Variants in NTM observed in about 807,000 individuals in gnomAD.
NTM encodes the protein neurotrimin, also known as IgLON family member 2.
NTM carries 13 observed loss-of-function variants against 42.1 expected under a neutral mutation model. The ratio of observed to expected loss-of-function variants is 0.31; its 90% CI spans 0.20 to 0.49. The LOEUF (loss-of-function observed/expected upper bound fraction) is 0.49. Ranked by LOEUF, NTM falls within the 20% of genes least tolerant of loss-of-function variation. The probability of loss-of-function intolerance (pLI) is 0.99; values close to 1 mark genes in which losing one functional copy is unlikely to be tolerated. For synonymous variants in NTM, 187 were observed against 179.2 expected (o/e 1.04, Z -0.35); for missense variants, 373 against 452.8 (o/e 0.82, Z 1.60).
rs1394571672 is a variant in NTM, at chr11:131,774,612, T to G, written c.83-136952T>G. Among the ~76,000 whole-genome samples the G allele has an allele frequency of 2.0e-5, 3 of 152,282 alleles. No individual in the cohort carries two copies. In the South Asian group the frequency reaches 6.2e-4, roughly 32 times the overall value. Reference sequence around the variant, plus strand: ...TGGCTCCAAATATAATTTTTCTCCTTGTTTTAGGCAATTGTGAGGTCACAA... The same window carrying G: ...TGGCTCCAAATATAATTTTTCTCCTGGTTTTAGGCAATTGTGAGGTCACAA... On this transcript the variant is annotated intron_variant, in intron 1 of 8. Coordinates refer to ENST00000683400, the MANE Select transcript of NTM (RefSeq NM_001352005.2).
At chr11:132,169,320 C>CTTTTTTTTTTATTTTTTTTT (rs2075780429) in intron 3 of NTM, among the ~76,000 whole-genome samples, 1 of 32,358 alleles carries the variant, frequency 3.1e-5, no homozygotes, top group Non-Finnish European at 5.4e-5. Flanking sequence ...AATTTTTTTA[C>CTTTTTTTTTTATTTTTTTTT]TTTTTTTTTT....
At chr11:132,011,896 A>G (rs1024687212) in intron 2 of NTM, among the ~76,000 whole-genome samples, 11 of 152,092 alleles carry the variant, frequency 7.2e-5, no homozygotes, top group Admixed American at 2.6e-4. Context: ...TTTATTCCCA[A>G]TCCCTGTTCT....
intron 2 of NTM, among the ~76,000 whole-genome samples, chr11:131,997,867 G>A (rs1335273361): frequency 6.6e-6 from 1 of 152,062 alleles, no homozygotes; most frequent in Non-Finnish European, 1.5e-5. Context: ...ATAGTACTGG[G>A]GTTTTGGCAT....
chr11:132,325,414 A>T (rs1055026740), intron 7 of NTM, among the ~76,000 whole-genome samples: 4 of 152,258 alleles, frequency 2.6e-5, no homozygotes, highest in Non-Finnish European at 2.9e-5. Flanking sequence ...ACACATGAAT[A>T]AATGCTCACC....
chr11:131,944,398 C>A (rs998976788), intron 2 of NTM, among the ~76,000 whole-genome samples: 2 of 152,186 alleles, frequency 1.3e-5, no homozygotes, highest in African/African-American at 4.8e-5. Context: ...GGGGCTCAGG[C>A]AGGTCACTGC....
intron 1 of NTM, among the ~76,000 whole-genome samples, chr11:131,733,477 T>A (rs1022741950): frequency 1.2e-4 from 17 of 140,390 alleles, no homozygotes; most frequent in African/African-American, 3.7e-4. Flanking sequence ...CTTCCTTCCT[T>A]CCTTCCTTCC....
intron 2 of NTM, among the ~76,000 whole-genome samples, chr11:132,119,831 A>G (rs1177591248): frequency 6.6e-6 from 1 of 152,244 alleles, no homozygotes; most frequent in East Asian, 1.9e-4. Flanking sequence ...TAGGGTTCAC[A>G]CAGCAGAGCA....
chr11:131,941,749 A>G (rs1447398098), intron 2 of NTM, among the ~76,000 whole-genome samples: 1 of 152,222 alleles, frequency 6.6e-6, no homozygotes, highest in African/African-American at 2.4e-5. Flanking sequence ...TGGGTAACAG[A>G]TATTATTCAC....
At chr11:132,201,212 G>T (rs2081106605) in intron 3 of NTM, among the ~76,000 whole-genome samples, 1 of 152,196 alleles carries the variant, frequency 6.6e-6, no homozygotes. Context: ...CTCTACCCAT[G>T]AGTTTTCTAA....
chr11:131,608,130 A>G (rs2061150201), intron 1 of NTM, among the ~76,000 whole-genome samples: 1 of 152,024 alleles, frequency 6.6e-6, no homozygotes, highest in South Asian at 2.1e-4. Context: ...CCCACCTATG[A>G]GTGAGAACAT....
In NTM at chr11:131,763,709, CTT is replaced by C. The variant is rs557522093; in HGVS notation, c.83-147830_83-147829del. 6.9e-4 allele frequency among the ~76,000 whole-genome samples: 49 copies of C among 71,374 alleles called. 3 individuals carry two copies. The highest frequency in any genetic ancestry group is 1.9e-3 in the East Asian group (4 of 2,084). 46.8% of individuals were successfully genotyped at this position (71,374 alleles called of 152,430 possible). On this transcript the variant is annotated intron_variant, in intron 1 of 8. Transcript: ENST00000683400. ...CTTATCCACAGGCCCATCTCTCTCT[CTT>C]TTTTTTTTTTTTTTTTTTTTTTTTG... is the stretch of plus-strand genomic sequence containing the variant.
At chr11:131,872,537 C>T (rs956287267) in intron 1 of NTM, among the ~76,000 whole-genome samples, 1 of 152,162 alleles carries the variant, frequency 6.6e-6, no homozygotes, top group Non-Finnish European at 1.5e-5. Context: ...CATTTTCTGG[C>T]TCTCTGTCAA....
At chr11:132,064,693 A>G (rs1028175798) in intron 2 of NTM, among the ~76,000 whole-genome samples, 2 of 152,214 alleles carry the variant, frequency 1.3e-5, no homozygotes, top group African/African-American at 2.4e-5. Flanking sequence ...AGTAGCAGGC[A>G]GAGAAGACTA....
At chr11:132,049,855 G>A (rs2078604503) in intron 2 of NTM, among the ~76,000 whole-genome samples, 2 of 152,174 alleles carry the variant, frequency 1.3e-5, no homozygotes, top group Non-Finnish European at 2.9e-5. Flanking sequence ...TGATGGAGGA[G>A]GAGCCACTTT....
intron 1 of NTM, among the ~76,000 whole-genome samples, chr11:131,823,988 G>A (rs2093294277): frequency 6.6e-6 from 1 of 152,186 alleles, no homozygotes; most frequent in Non-Finnish European, 1.5e-5. Flanking sequence ...TTGCATTTAA[G>A]TGCTTTGTTT....
intron 1 of NTM, among the ~76,000 whole-genome samples, chr11:131,463,476 G>T (rs1333401763): frequency 6.6e-6 from 1 of 152,220 alleles, no homozygotes; most frequent in African/African-American, 2.4e-5. Flanking sequence ...CTGTGTGGCC[G>T]CTGGGGCCCC....
intron 1 of NTM, among the ~76,000 whole-genome samples, chr11:131,881,623 A>C (rs928387600): frequency 3.9e-5 from 6 of 152,046 alleles, no homozygotes; most frequent in Non-Finnish European, 8.8e-5. Context: ...TTACTCCTCC[A>C]CTAAGAAAAG....
chr11:131,728,469 A>G (rs796383613), intron 1 of NTM, among the ~76,000 whole-genome samples: 13 of 152,358 alleles, frequency 8.5e-5, no homozygotes, highest in African/African-American at 3.1e-4. Flanking sequence ...GCATGGAGAT[A>G]CCATTCCCTC....
intron 1 of NTM, among the ~76,000 whole-genome samples, chr11:131,454,787 C>T (rs1296683056): frequency 1.3e-5 from 2 of 152,074 alleles, no homozygotes; most frequent in African/African-American, 4.8e-5. Context: ...ACATCCTCCA[C>T]ACCCTGATTT....
Sources: gnomAD v4.1 joint callset for allele counts (sites outside exome capture counted in the v4.1 genomes callset) on GRCh38, gnomAD v4.1.1 for gene constraint, MANE v1.5 for transcripts, NCBI Gene and HGNC (gene_info 2026-07-23, HGNC 2026-07-21) for gene names.